The following CMKLR2 variants were observed in gnomAD, a reference collection of about 807,000 sequenced individuals.
The protein encoded by CMKLR2 is chemerin-like receptor 2.
A neutral mutation model predicts 23.0 loss-of-function variants in CMKLR2; 18 were observed. That is an observed-to-expected ratio of 0.78 (90% confidence interval 0.54 to 1.16). The LOEUF (loss-of-function observed/expected upper bound fraction) is 1.16. Among genes scored for constraint, CMKLR2 ranks in the 50% most tolerant of loss-of-function variants. The pLI is 0.00. For synonymous variants in CMKLR2, 158 were observed against 158.9 expected, an observed-to-expected ratio of 0.99 and a Z score of 0.05; for missense variants, 401 against 412.7, an observed-to-expected ratio of 0.97 and a Z score of 0.25.
intron 1 of CMKLR2, among the ~76,000 whole-genome samples, chr2:206,179,142 C>T (rs1433726883): frequency 3.3e-5 from 4 of 119,802 alleles, no homozygotes; most frequent in Non-Finnish European, 6.4e-5. Context: ...ATGGTGTGAT[C>T]TTGGCTCACC....
At chr2:206,201,809 T>C (rs539523273) in intron 1 of CMKLR2, among the ~76,000 whole-genome samples, 18 of 152,200 alleles carry the variant, frequency 1.2e-4, no homozygotes, top group Non-Finnish European at 2.4e-4. Context: ...AACTGAAATA[T>C]GTCCAGAGGA....
intron 1 of CMKLR2, among the ~76,000 whole-genome samples, chr2:206,206,401 T>C (rs1396433514): frequency 6.6e-6 from 1 of 152,242 alleles, no homozygotes; most frequent in Non-Finnish European, 1.5e-5. Context: ...AAATAATTTA[T>C]ATCAACATGG....
Position 206,176,136 on chromosome 2 carries a change from AC to A in CMKLR2, c.*43del. On this transcript the variant is annotated 3_prime_UTR_variant, in exon 2 of 2. Transcript: ENST00000621141. ...TTAATCTGAAAGCATCAGTCAGAGG[AC>A]CCACATAAAAAGCCATATACTGATT... 1.5e-6 allele frequency: 2 copies of A among 1,328,460 alleles called. No homozygotes were observed. The highest frequency in any genetic ancestry group is 1.0e-6 in the Non-Finnish European group (1 of 958,138). The allele number at this position is 1,328,460 out of a possible 1,614,324, so 82.3% of individuals were successfully genotyped here.
At chr2:206,185,868 C>T (rs1256798986) in intron 1 of CMKLR2, among the ~76,000 whole-genome samples, 1 of 152,102 alleles carries the variant, frequency 6.6e-6, no homozygotes, top group Non-Finnish European at 1.5e-5. Flanking sequence ...AGTCCAAGGC[C>T]TTATACATCC....
chr2:206,210,594 G>C (rs958347065), intron 1 of CMKLR2, among the ~76,000 whole-genome samples: 2 of 151,944 alleles, frequency 1.3e-5, no homozygotes, highest in African/African-American at 2.4e-5. Flanking sequence ...AAGTAGCTGG[G>C]GTTACAGGCA....
At chr2:206,210,767 T>C (rs958205379) in intron 1 of CMKLR2, among the ~76,000 whole-genome samples, 2 of 152,144 alleles carry the variant, frequency 1.3e-5, no homozygotes, top group Non-Finnish European at 2.9e-5. Flanking sequence ...GGCCTGCAAA[T>C]AGCATTTTTA....
chr2:206,216,773 T>G (rs1222463089), upstream of CMKLR2, among the ~76,000 whole-genome samples: 1 of 152,168 alleles, frequency 6.6e-6, no homozygotes, highest in Non-Finnish European at 1.5e-5. Flanking sequence ...GATATTACAT[T>G]GTAAAAGAGA....
upstream of CMKLR2, among the ~76,000 whole-genome samples, chr2:206,213,972 G>A (rs1464973442): frequency 6.6e-6 from 1 of 151,836 alleles, no homozygotes; most frequent in Non-Finnish European, 1.5e-5. Context: ...TCCTGCCTCA[G>A]CCTCTGGAGT....
At chr2:206,205,784 C>G (rs1166128831) in intron 1 of CMKLR2, among the ~76,000 whole-genome samples, 1 of 152,012 alleles carries the variant, frequency 6.6e-6, no homozygotes, top group African/African-American at 2.4e-5. Context: ...CCCGCAACCT[C>G]CACCTCCCAG....
chr2:206,211,369 GGCTAGAGT>G (rs1275065225), intron 1 of CMKLR2, among the ~76,000 whole-genome samples: 1 of 152,126 alleles, frequency 6.6e-6, no homozygotes, highest in African/African-American at 2.4e-5. Flanking sequence ...CTGTCTCCCA[GGCTAGAGT>G]GCAGTGGCAC....
At chr2:206,214,443 A>AT (rs930431116), upstream of CMKLR2, among the ~76,000 whole-genome samples, 22 of 151,542 alleles carry the variant, frequency 1.5e-4, no homozygotes, top group African/African-American at 4.1e-4. Flanking sequence ...TAAAGGTTTG[A>AT]TTTTTATCCC....
At chr2:206,180,399 G>A (rs1688371832) in intron 1 of CMKLR2, among the ~76,000 whole-genome samples, 1 of 151,500 alleles carries the variant, frequency 6.6e-6, no homozygotes, top group African/African-American at 2.4e-5. Flanking sequence ...GTGCCTAGAG[G>A]CGCTGACCCC....
At chr2:206,204,211 G>A (rs958481504) in intron 1 of CMKLR2, among the ~76,000 whole-genome samples, 2 of 151,828 alleles carry the variant, frequency 1.3e-5, no homozygotes, top group Admixed American at 6.6e-5. Flanking sequence ...AATTAGCCGG[G>A]CGTGGTGGCG....
chr2:206,187,280 A>C (rs748205905), intron 1 of CMKLR2, among the ~76,000 whole-genome samples: 1 of 152,098 alleles, frequency 6.6e-6, no homozygotes, highest in African/African-American at 2.4e-5. Context: ...ATGAGACTCC[A>C]TCTCAAAAAA....
intron 1 of CMKLR2, among the ~76,000 whole-genome samples, chr2:206,210,461 CT>C (rs35951489): frequency 0.43 from 61,623 of 144,832 alleles, 13,450 homozygotes; most frequent in Non-Finnish European, 0.49. Context: ...CATTTTTACT[CT>C]TTTTTTTTTT....
At chr2:206,179,374 C>CTTTT (rs1178241566) in intron 1 of CMKLR2, among the ~76,000 whole-genome samples, 7 of 76,216 alleles carry the variant, frequency 9.2e-5, no homozygotes, top group East Asian at 4.8e-4. Context: ...CGCACCCAGC[C>CTTTT]TTTTTTTTTT....
At chr2:206,184,400 G>T (rs1354186913) in intron 1 of CMKLR2, among the ~76,000 whole-genome samples, 1 of 151,194 alleles carries the variant, frequency 6.6e-6, no homozygotes, top group African/African-American at 2.4e-5. Context: ...GGTTTCAAGC[G>T]ATTCTTCTGC....
chr2:206,208,502 C>T (rs749122952), intron 1 of CMKLR2, among the ~76,000 whole-genome samples: 16 of 152,014 alleles, frequency 1.1e-4, no homozygotes, highest in Non-Finnish European at 2.1e-4. Context: ...CTACTGCACT[C>T]CAGCCTGGGC....
intron 1 of CMKLR2, among the ~76,000 whole-genome samples, chr2:206,187,699 C>G (rs761253840): frequency 5.9e-5 from 9 of 152,026 alleles, no homozygotes; most frequent in Non-Finnish European, 1.0e-4. Context: ...GAAATTTTTC[C>G]TCAACTTAGC....
Sources: allele counts gnomAD v4.1 joint callset (sites outside exome capture counted in the v4.1 genomes callset), GRCh38; gene constraint gnomAD v4.1.1; transcripts MANE v1.5; gene names NCBI Gene and HGNC (gene_info 2026-07-23, HGNC 2026-07-21).